The following ADCYAP1R1 variants were observed in gnomAD, a reference collection of about 807,000 sequenced individuals.
ADCYAP1R1 encodes ADCYAP receptor type I.
ADCYAP1R1 carries 44 observed loss-of-function variants against 67.6 expected under a neutral mutation model. The observed-to-expected ratio is 0.65, with a 90% CI of 0.51 to 0.84. The LOEUF is 0.84. Among genes scored for constraint, ADCYAP1R1 ranks in the 40% least tolerant of loss-of-function variants. ADCYAP1R1 has a pLI of 0.00. For synonymous variants in ADCYAP1R1, 222 were observed against 219.6 expected (o/e 1.01, Z -0.10); for missense variants, 477 against 587.9 (o/e 0.81, Z 1.95).
chr7:31,076,204 A>G (rs1264853362), intron 3 of ADCYAP1R1, among the ~76,000 whole-genome samples: 1 of 152,228 alleles, frequency 6.6e-6, no homozygotes, highest in Middle Eastern at 3.2e-3. Flanking sequence ...CAGGACAGCT[A>G]CCAGCACCTG....
rs531849053 is a variant in ADCYAP1R1, at chr7:31,061,348, A to G, written c.-71-1846A>G. On this transcript the variant is annotated intron_variant, in intron 1 of 15. Coordinates refer to ENST00000304166, the MANE Select transcript of ADCYAP1R1 (RefSeq NM_001118.5). ...TTGCAGGCAGAGCCTTGGGTTCCCCAGGGCTGGTAGAAGTGACCAAGCCCT... is the reference window on the plus strand; with the variant it reads ...TTGCAGGCAGAGCCTTGGGTTCCCCGGGGCTGGTAGAAGTGACCAAGCCCT... Among the ~76,000 whole-genome samples, 3 of 152,310 alleles carry G rather than the reference A, an allele frequency of 2.0e-5. No homozygotes were observed. The South Asian group carries it at 6.2e-4, about 32-fold the overall frequency.
At chr7:31,077,295 A>C (rs866392041) in intron 3 of ADCYAP1R1, among the ~76,000 whole-genome samples, 1 of 149,194 alleles carries the variant, frequency 6.7e-6, no homozygotes, top group Non-Finnish European at 1.5e-5. Context: ...GTGCACATTC[A>C]TGTGTGATGT....
intron 3 of ADCYAP1R1, among the ~76,000 whole-genome samples, chr7:31,070,357 G>T (rs2128620664): frequency 6.6e-6 from 1 of 152,348 alleles, no homozygotes; most frequent in Admixed American, 6.5e-5. Context: ...AGTGGAGGAG[G>T]AAGAGGAGGC....
chr7:31,059,350 C>A (rs1794393350), intron 1 of ADCYAP1R1, among the ~76,000 whole-genome samples: 1 of 152,172 alleles, frequency 6.6e-6, no homozygotes, highest in Admixed American at 6.5e-5. Flanking sequence ...GCTCCTGGGG[C>A]AGAAACCTCT....
At chr7:31,103,847 G>C (rs1316521845) in intron 14 of ADCYAP1R1, among the ~76,000 whole-genome samples, 1 of 152,210 alleles carries the variant, frequency 6.6e-6, no homozygotes, top group Admixed American at 6.5e-5. Context: ...TGCTGCCTTA[G>C]TGCCTGGAGG....
chr7:31,071,835 TCTC>T lies in ADCYAP1R1; in HGVS notation c.158-6152_158-6150del, dbSNP rs1794994456. Among the ~76,000 whole-genome samples the T allele has an allele frequency of 2.0e-5, 3 of 152,198 alleles. No homozygotes were observed. In the South Asian group the frequency reaches 6.2e-4, roughly 32 times the overall value. ...TTCCAGCTGCCTACTTCGACAGCTG[TCTC>T]CTCTTGGCTCTTAGCACCATCTCAA... On this transcript the variant is annotated intron_variant, in intron 3 of 15. Coordinates refer to ENST00000304166, the MANE Select transcript of ADCYAP1R1 (RefSeq NM_001118.5).
At chr7:31,071,770 C>T (rs1049160161) in intron 3 of ADCYAP1R1, among the ~76,000 whole-genome samples, 1 of 152,098 alleles carries the variant, frequency 6.6e-6, no homozygotes, top group Admixed American at 6.5e-5. Context: ...TACTCCCTGC[C>T]CTCTTCTCCA....
intron 3 of ADCYAP1R1, among the ~76,000 whole-genome samples, chr7:31,073,004 T>C (rs1795052217): frequency 6.6e-6 from 1 of 152,132 alleles, no homozygotes; most frequent in African/African-American, 2.4e-5. Context: ...AAATGGATTC[T>C]CCCCTAGAAC....
At chr7:31,104,933 C>T (rs1796579055) in intron 15 of ADCYAP1R1, 24 bp downstream of exon 15, 2 of 1,613,804 alleles carry the variant, frequency 1.2e-6, no homozygotes, top group Non-Finnish European at 8.5e-7. Flanking sequence ...CCTCTGGCTT[C>T]TTGGCAGTGG....
At chr7:31,065,451 C>G (rs1320168767) in intron 3 of ADCYAP1R1, among the ~76,000 whole-genome samples, 1 of 152,190 alleles carries the variant, frequency 6.6e-6, no homozygotes, top group East Asian at 1.9e-4. Context: ...TGAGGAGGGT[C>G]CTGCTTCCCT....
At chr7:31,060,766 ACTCT>A (rs1198994736) in intron 1 of ADCYAP1R1, among the ~76,000 whole-genome samples, 1 of 151,696 alleles carries the variant, frequency 6.6e-6, no homozygotes, top group African/African-American at 2.4e-5. Context: ...ACACAAACTC[ACTCT>A]CTGTCTATTT....
intron 4 of ADCYAP1R1, 47 bp downstream of exon 4, chr7:31,078,145 C>T (rs1218755313): frequency 3.3e-5 from 50 of 1,497,646 alleles, no homozygotes; most frequent in Admixed American, 1.5e-4. Context: ...TAGCCTGCTC[C>T]CCAAATTCGG....
At chr7:31,095,444 A>G (rs1014530326) in intron 13 of ADCYAP1R1, among the ~76,000 whole-genome samples, 48 of 152,276 alleles carry the variant, frequency 3.2e-4, no homozygotes, top group African/African-American at 1.1e-3. Context: ...AAGCCCCCTC[A>G]GCCCAGAGTG....
chr7:31,072,262 A>G (rs1795023393), intron 3 of ADCYAP1R1, among the ~76,000 whole-genome samples: 1 of 152,132 alleles, frequency 6.6e-6, no homozygotes, highest in South Asian at 2.1e-4. Context: ...GGTTTCTACC[A>G]TCTTGGAACA....
At chr7:31,069,166 G>C (rs1794870385) in intron 3 of ADCYAP1R1, among the ~76,000 whole-genome samples, 1 of 152,168 alleles carries the variant, frequency 6.6e-6, no homozygotes, top group Non-Finnish European at 1.5e-5. Context: ...CATCCACCAG[G>C]GTACTCAAGT....
intron 7 of ADCYAP1R1, 111 bp from the exon 8 acceptor site, chr7:31,084,626 T>A (rs1053797835): frequency 1.5e-5 from 13 of 858,382 alleles, no homozygotes; most frequent in African/African-American, 5.0e-5. Context: ...AAGGAGGAGC[T>A]AGGCCTGGAG....
chr7:31,058,791 A>G (rs760055904), intron 1 of ADCYAP1R1, among the ~76,000 whole-genome samples: 1 of 152,172 alleles, frequency 6.6e-6, no homozygotes, highest in Non-Finnish European at 1.5e-5. Flanking sequence ...TTGACCAGTA[A>G]GAGAGGGCAG....
chr7:31,093,962 C>T (rs1665699107), intron 13 of ADCYAP1R1, among the ~76,000 whole-genome samples: 1 of 152,016 alleles, frequency 6.6e-6, no homozygotes, highest in African/African-American at 2.4e-5. Flanking sequence ...CCTGAGGCTT[C>T]CTCAGGGAGG....
At chr7:31,104,793 A>G (rs1796573929) in intron 14 of ADCYAP1R1, 75 bp from the exon 15 acceptor site, 11 of 1,531,752 alleles carry the variant, frequency 7.2e-6, no homozygotes, top group Non-Finnish European at 1.0e-5. Context: ...TCCTAGAGTC[A>G]TCCCCTCCAT....
Sources: allele counts gnomAD v4.1 joint callset (sites outside exome capture counted in the v4.1 genomes callset), GRCh38; gene constraint gnomAD v4.1.1; transcripts MANE v1.5; gene names NCBI Gene and HGNC (gene_info 2026-07-23, HGNC 2026-07-21).